The following PDE7A variants were observed in gnomAD, a reference collection of about 807,000 sequenced individuals.
The protein encoded by PDE7A is high affinity 3',5'-cyclic-AMP phosphodiesterase 7A.
Under a neutral mutation model 64.3 loss-of-function variants are expected in PDE7A, and 39 were observed. The observed-to-expected ratio is 0.61, with a 90% CI of 0.47 to 0.79. The LOEUF is 0.79. Ranked by LOEUF, PDE7A falls within the 30% of genes least tolerant of loss-of-function variation. The probability of loss-of-function intolerance (pLI) is 0.00; values close to 1 mark genes in which losing one functional copy is unlikely to be tolerated. For missense variants in PDE7A, 470 were observed against 582.8 expected (o/e 0.81, Z 1.99); for synonymous variants, 203 against 206.8 (o/e 0.98, Z 0.16).
intron 1 of PDE7A, among the ~76,000 whole-genome samples, chr8:65,807,554 TTA>T (rs1810141035): frequency 6.6e-6 from 1 of 152,212 alleles, no homozygotes; most frequent in African/African-American, 2.4e-5. Context: ...GCTAGAACCT[TTA>T]GTTCAATGCT....
At chr8:65,723,674 T>C (rs2129065230) in intron 11 of PDE7A, 53 bp from the exon 12 acceptor site, 1 of 1,280,834 alleles carries the variant, frequency 7.8e-7, no homozygotes, top group East Asian at 2.8e-5. Context: ...ATTGGTTAAA[T>C]ATATAATTAA....
At chr8:65,726,476 TTAATGAATCTATTTAATG>T (rs1447137862) in intron 9 of PDE7A, among the ~76,000 whole-genome samples, 1 of 152,196 alleles carries the variant, frequency 6.6e-6, no homozygotes, top group African/African-American at 2.4e-5. Flanking sequence ...GGAACAGATT[TTAATGAATCTATTTAATG>T]TAATAGAATG....
chr8:65,752,028 A>G (rs942915403), intron 3 of PDE7A, among the ~76,000 whole-genome samples: 1 of 152,200 alleles, frequency 6.6e-6, no homozygotes. Flanking sequence ...GCACTGCTAC[A>G]GTTTTACAGT....
chr8:65,740,368 A>G (rs1807360629), intron 5 of PDE7A, among the ~76,000 whole-genome samples: 1 of 152,026 alleles, frequency 6.6e-6, no homozygotes, highest in Non-Finnish European at 1.5e-5. Flanking sequence ...CCACAGCCTC[A>G]TATGTCACAG....
intron 1 of PDE7A, among the ~76,000 whole-genome samples, chr8:65,810,991 T>A (rs1157489439): frequency 6.6e-6 from 1 of 152,106 alleles, no homozygotes. Context: ...AAAATTTATA[T>A]CTGCAACCAA....
intron 1 of PDE7A, among the ~76,000 whole-genome samples, chr8:65,840,590 C>A (rs1386619545): frequency 2.6e-5 from 4 of 152,208 alleles, no homozygotes; most frequent in Non-Finnish European, 5.9e-5. Context: ...AAACAAAATT[C>A]TTTTCACCTC....
intron 9 of PDE7A, among the ~76,000 whole-genome samples, 166 bp from the exon 10 acceptor site, chr8:65,725,087 C>CA (rs1321380964): frequency 6.6e-5 from 10 of 151,318 alleles, no homozygotes; most frequent in Non-Finnish European, 1.2e-4. Flanking sequence ...TAGAATGCTT[C>CA]AAAAAAAGCC....
chr8:65,768,708 C>T (rs897216370), intron 3 of PDE7A, among the ~76,000 whole-genome samples: 1 of 152,154 alleles, frequency 6.6e-6, no homozygotes, highest in Non-Finnish European at 1.5e-5. Flanking sequence ...AGAAAATACT[C>T]CAAGAATGTT....
At chr8:65,835,649 G>GA (rs1810934163) in intron 1 of PDE7A, among the ~76,000 whole-genome samples, 1 of 152,214 alleles carries the variant, frequency 6.6e-6, no homozygotes, top group Non-Finnish European at 1.5e-5. Flanking sequence ...GCCTCAAAGA[G>GA]AATGAAGGGC....
intron 2 of PDE7A, chr8:65,780,770 C>G (rs1295752004): frequency 1.3e-5 from 2 of 152,254 alleles, no homozygotes; most frequent in Non-Finnish European, 2.9e-5. Flanking sequence ...CCTCCAAGTT[C>G]ATAACCTTTA....
At chr8:65,822,765 G>A (rs916856935) in intron 1 of PDE7A, among the ~76,000 whole-genome samples, 2 of 152,042 alleles carry the variant, frequency 1.3e-5, no homozygotes, top group African/African-American at 4.8e-5. Context: ...GTATCCTAGG[G>A]GTATGATGAG....
chr8:65,773,065 G>A (rs964601628), intron 3 of PDE7A, among the ~76,000 whole-genome samples: 1 of 152,148 alleles, frequency 6.6e-6, no homozygotes, highest in African/African-American at 2.4e-5. Flanking sequence ...ACAAGTTCAG[G>A]CTAATGTTTA....
intron 3 of PDE7A, among the ~76,000 whole-genome samples, chr8:65,762,807 A>G (rs1808572997): frequency 6.6e-6 from 1 of 152,178 alleles, no homozygotes; most frequent in South Asian, 2.1e-4. Flanking sequence ...AACATTTAAA[A>G]TATTTCAGAA....
intron 3 of PDE7A, among the ~76,000 whole-genome samples, chr8:65,771,789 C>T (rs375135891): frequency 4.7e-5 from 7 of 148,840 alleles, no homozygotes; most frequent in Admixed American, 4.1e-4. Flanking sequence ...GCAGGAGAAT[C>T]GCTTGAACCT....
At chr8:65,807,411 A>G (rs971779136) in intron 1 of PDE7A, among the ~76,000 whole-genome samples, 1 of 152,216 alleles carries the variant, frequency 6.6e-6, no homozygotes, top group African/African-American at 2.4e-5. Context: ...CTCATTTATT[A>G]GTGCTAAAAT....
At chr8:65,743,911 C>T (rs1807552819) in intron 5 of PDE7A, among the ~76,000 whole-genome samples, 2 of 151,918 alleles carry the variant, frequency 1.3e-5, no homozygotes, top group African/African-American at 4.8e-5. Flanking sequence ...CAGCTCACTG[C>T]AACCTTTGCT....
intron 1 of PDE7A, among the ~76,000 whole-genome samples, chr8:65,807,446 T>G (rs191464510): frequency 1.4e-4 from 21 of 152,366 alleles, no homozygotes; most frequent in African/African-American, 4.6e-4. Flanking sequence ...CCTTAGTATC[T>G]TCTATGTAGA....
At position 65,715,996 on chromosome 8, in the gene PDE7A, C is replaced by CAAAAAAA. The variant is rs779701295; in HGVS notation, c.*3287_*3293dup. ...TGGGCGACAGAGCAAGGCTCTGTCT[C>CAAAAAAA]AAAAAAAAAAAAAAAAAAAAAAAAA... is the stretch of plus-strand genomic sequence containing the variant. On this transcript the variant is annotated 3_prime_UTR_variant, in exon 13 of 13. Coordinates refer to ENST00000401827, the MANE Select transcript of PDE7A (RefSeq NM_001242318.3). 2.1e-4 allele frequency among the ~76,000 whole-genome samples: 7 copies of CAAAAAAA among 33,860 alleles called. No homozygotes were observed. Among genetic ancestry groups the CAAAAAAA allele is most frequent in the Admixed American group, 1.5e-3 (3 of 2,008 alleles). 22.2% of individuals were successfully genotyped at this position (33,860 alleles called of 152,430 possible).
At chr8:65,737,399 T>C (rs1807186671) in intron 6 of PDE7A, among the ~76,000 whole-genome samples, 1 of 152,178 alleles carries the variant, frequency 6.6e-6, no homozygotes, top group Non-Finnish European at 1.5e-5. Flanking sequence ...TCACACTATA[T>C]TAATTATAAA....
Sources: gnomAD v4.1 joint callset for allele counts (sites outside exome capture counted in the v4.1 genomes callset) on GRCh38, gnomAD v4.1.1 for gene constraint, MANE v1.5 for transcripts, NCBI Gene and HGNC (gene_info 2026-07-23, HGNC 2026-07-21) for gene names.